The following PTGER3 variants were observed in gnomAD, a reference collection of about 807,000 sequenced individuals.
PTGER3 encodes prostaglandin E2 receptor EP3 subtype.
In PTGER3, 22 loss-of-function variants were observed where a neutral mutation model predicts 34.7. The ratio of observed to expected loss-of-function variants is 0.63; its 90% CI spans 0.45 to 0.91. The LOEUF (loss-of-function observed/expected upper bound fraction) is 0.91, where lower values mean the gene tolerates loss of function less well. PTGER3 is among the 40% of genes least tolerant of loss of function. The pLI, the probability that PTGER3 is intolerant of heterozygous loss-of-function variation, is 0.00. For missense variants in PTGER3, 468 were observed against 519.4 expected (o/e 0.90, Z 0.96); for synonymous variants, 241 against 230.1 (o/e 1.05, Z -0.43).
downstream of PTGER3, chr1:70,951,573 AGATT>A (rs1204834086): frequency 1.3e-5 from 2 of 152,192 alleles, no homozygotes; most frequent in East Asian, 1.9e-4. Flanking sequence ...TAGAAGAAGG[AGATT>A]GATTGGGCAG....
chr1:71,003,625 C>T (rs1269595079), intron 2 of PTGER3, among the ~76,000 whole-genome samples: 5 of 152,172 alleles, frequency 3.3e-5, no homozygotes, highest in African/African-American at 1.2e-4. Context: ...CTTATCATCA[C>T]ATGATTGCAA....
At chr1:70,883,221 G>GA (rs796604240) in intron 4 of PTGER3, among the ~76,000 whole-genome samples, 48 of 152,148 alleles carry the variant, frequency 3.2e-4, no homozygotes, top group African/African-American at 9.9e-4. Context: ...TTTATGCCTA[G>GA]AAAAAAACCT....
Position 71,046,795 on chromosome 1 carries a change from C to G in PTGER3, c.783G>C (p.Arg261=). The change falls in exon 1 of 4, where the codon CGG becomes CGC. Residue 261 remains arginine (R), a synonymous_variant. Coordinates refer to ENST00000306666, the MANE Select transcript of PTGER3 (RefSeq NM_198719.2). The part of the protein sequence containing the change: ...ATIKALVSRC[R]AKATASQSSA... ...TGGACTGAGATGCCGTGGCCTTGGC[C>G]CGGCAGCGGGACACCAGGGCCTTAA... The G allele has an allele frequency of 6.2e-7, 1 of 1,614,070 alleles. No individual in the cohort carries two copies. The highest frequency in any genetic ancestry group is 8.5e-7 in the Non-Finnish European group (1 of 1,180,056).
chr1:70,974,152 G>A, intron 3 of PTGER3, 145 bp downstream of exon 3: 1 of 1,226,682 alleles, frequency 8.2e-7, no homozygotes, highest in Non-Finnish European at 1.1e-6. Flanking sequence ...ACTCCTCTAA[G>A]GAATCTAGCA....
chr1:71,007,228 G>A (rs12127314), intron 2 of PTGER3: 53,805 of 985,130 alleles, frequency 0.055, 1,605 homozygotes, highest in Non-Finnish European at 0.06. Context: ...GGCACACCAT[G>A]TAAATAGTAC....
chr1:70,990,045 C>T (rs1245051199), intron 2 of PTGER3, among the ~76,000 whole-genome samples: 1 of 151,936 alleles, frequency 6.6e-6, no homozygotes, highest in Non-Finnish European at 1.5e-5. Flanking sequence ...TGTATGTGTA[C>T]ATATGTGAAA....
At chr1:70,979,582 A>G (rs1654056446) in intron 2 of PTGER3, among the ~76,000 whole-genome samples, 1 of 152,124 alleles carries the variant, frequency 6.6e-6, no homozygotes, top group African/African-American at 2.4e-5. Flanking sequence ...GCTATATCAC[A>G]CTAACAACAA....
intron 4 of PTGER3, among the ~76,000 whole-genome samples, chr1:70,942,248 A>G (rs1270947972): frequency 1.3e-5 from 2 of 152,204 alleles, no homozygotes; most frequent in East Asian, 3.9e-4. Context: ...AGTCTGATCC[A>G]GGAATCACTT....
chr1:71,039,131 T>C (rs1326411936), intron 1 of PTGER3, among the ~76,000 whole-genome samples: 1 of 152,038 alleles, frequency 6.6e-6, no homozygotes, highest in Non-Finnish European at 1.5e-5. Flanking sequence ...TCACTGCAGA[T>C]AAGTCCTCCC....
In PTGER3 at chr1:70,899,431, G is replaced by A. The variant is rs375640770; in HGVS notation, c.*24-46572C>T. Reference sequence around the variant, plus strand: ...TCAAAGCATGAATGAAAATTGATCAGCCTTAGAAGAGGAGAAGAGTATCCC... The same window carrying A: ...TCAAAGCATGAATGAAAATTGATCAACCTTAGAAGAGGAGAAGAGTATCCC... On this transcript the variant is annotated intron_variant, in intron 4 of 4. Transcript: ENST00000370931. 3.9e-5 allele frequency among the ~76,000 whole-genome samples: 6 copies of A among 152,246 alleles called. 1 individual carries two copies. The highest frequency in any genetic ancestry group is 6.5e-5 in the Admixed American group (1 of 15,290).
At chr1:71,022,691 T>A (rs1310677037) in intron 1 of PTGER3, among the ~76,000 whole-genome samples, 1 of 150,522 alleles carries the variant, frequency 6.6e-6, no homozygotes, top group Non-Finnish European at 1.5e-5. Flanking sequence ...TAGTCAGTGC[T>A]CTCTCTCTCT....
In PTGER3 at chr1:70,978,882, G is replaced by A. The variant is rs76055983; in HGVS notation, c.1078-4494C>T. Among the ~76,000 whole-genome samples, 204 of 152,144 alleles carry A rather than the reference G, an allele frequency of 1.3e-3. 1 individual carries two copies. The highest frequency in any genetic ancestry group is 4.8e-3 in the African/African-American group (198 of 41,460). ...TCCAACTCTTTTATTTACAGATGAG[G>A]ATATGAAGCCACTTTCTTTTACAGT... On this transcript the variant is annotated intron_variant, in intron 2 of 3. Coordinates refer to ENST00000306666, the MANE Select transcript of PTGER3 (RefSeq NM_198719.2).
intron 4 of PTGER3, chr1:70,886,309 G>A (rs1646498036): frequency 4.4e-6 from 2 of 451,078 alleles, no homozygotes; most frequent in Middle Eastern, 3.3e-4. Context: ...CCCTGATCCT[G>A]AACTTGCCGG....
At chr1:70,990,461 T>C (rs1293576317) in intron 2 of PTGER3, among the ~76,000 whole-genome samples, 2 of 149,036 alleles carry the variant, frequency 1.3e-5, no homozygotes, top group Non-Finnish European at 3.0e-5. Flanking sequence ...ATACATATAT[T>C]ATACATATAT....
intron 4 of PTGER3, among the ~76,000 whole-genome samples, chr1:70,897,615 A>T (rs1407944116): frequency 6.6e-6 from 1 of 152,132 alleles, no homozygotes; most frequent in African/African-American, 2.4e-5. Flanking sequence ...TAGTATCATA[A>T]GACATGTCTC....
chr1:70,852,945 A>C, intron 4 of PTGER3: 5 of 1,430,834 alleles, frequency 3.5e-6, no homozygotes, highest in Non-Finnish European at 4.9e-6. Flanking sequence ...ATAAATTCTC[A>C]TAAATTTCAG....
At chr1:71,038,825 A>G (rs1660042009) in intron 1 of PTGER3, among the ~76,000 whole-genome samples, 1 of 152,220 alleles carries the variant, frequency 6.6e-6, no homozygotes, top group Non-Finnish European at 1.5e-5. Context: ...CTGGGCTGTC[A>G]GTCAGCAGCA....
chr1:70,904,492 T>A (rs545842489), intron 4 of PTGER3, among the ~76,000 whole-genome samples: 1 of 152,198 alleles, frequency 6.6e-6, no homozygotes, highest in Non-Finnish European at 1.5e-5. Flanking sequence ...CTGATAGTGA[T>A]ATGAACGATA....
At chr1:70,934,377 G>A (rs146390276) in intron 4 of PTGER3, among the ~76,000 whole-genome samples, 10 of 152,254 alleles carry the variant, frequency 6.6e-5, no homozygotes, top group Non-Finnish European at 1.0e-4. Flanking sequence ...ATGCCTCAGC[G>A]TAAATAAAAC....
Sources: gnomAD v4.1 joint callset for allele counts (sites outside exome capture counted in the v4.1 genomes callset) on GRCh38, gnomAD v4.1.1 for gene constraint, MANE v1.5 for transcripts, NCBI Gene and HGNC (gene_info 2026-07-23, HGNC 2026-07-21) for gene names.